RPS6KL1: variants seen among roughly 807,000 people sequenced by gnomAD.
RPS6KL1 encodes the protein ribosomal protein S6 kinase-like 1.
RPS6KL1 carries 41 observed loss-of-function variants against 57.0 expected under a neutral mutation model. The observed-to-expected ratio is 0.72, with a 90% confidence interval of 0.56 to 0.93. The LOEUF (loss-of-function observed/expected upper bound fraction) is 0.93. Among genes scored for constraint, RPS6KL1 ranks in the 40% least tolerant of loss-of-function variants. The probability of loss-of-function intolerance (pLI) is 0.00; values close to 1 mark genes in which losing one functional copy is unlikely to be tolerated. For missense variants in RPS6KL1, 697 were observed against 727.7 expected, an observed-to-expected ratio of 0.96 and a Z score of 0.49; for synonymous variants, 287 against 309.7, an observed-to-expected ratio of 0.93 and a Z score of 0.77.
At chr14:74,919,776 G>T (rs1240927064) in intron 4 of RPS6KL1, 69 bp downstream of exon 4, 3 of 1,557,056 alleles carry the variant, frequency 1.9e-6, no homozygotes, top group Non-Finnish European at 2.6e-6. Flanking sequence ...TGTGGGTGTC[G>T]GGGCCTCCGC....
intron 4 of RPS6KL1, among the ~76,000 whole-genome samples, chr14:74,919,590 T>C (rs991785158): frequency 2.6e-5 from 4 of 152,198 alleles, no homozygotes; most frequent in Non-Finnish European, 5.9e-5. Flanking sequence ...TGGCAAGTGC[T>C]CTGTGAGGGA....
At chr14:74,919,275 A>G (rs1031413936) in intron 4 of RPS6KL1, among the ~76,000 whole-genome samples, 6 of 152,240 alleles carry the variant, frequency 3.9e-5, no homozygotes, top group African/African-American at 1.4e-4. Flanking sequence ...CTTTGGGGAA[A>G]GGCAGCCGTA....
chr14:74,907,091 T>TC lies in RPS6KL1; in HGVS notation c.1572_1573insG (p.Met525AspfsTer32), dbSNP rs746844263. On this transcript the variant is annotated frameshift_variant, in exon 12 of 12. Coordinates refer to ENST00000557413, the MANE Select transcript of RPS6KL1 (RefSeq NM_031464.5). LOFTEE classifies it high-confidence loss of function. Reference sequence around the variant, plus strand: ...AGTTTGCTGACACCACCTTCTCCCATGCCCAGGCGCCGGGTAGGCTCGAAC... The same window carrying TC: ...AGTTTGCTGACACCACCTTCTCCCATCGCCCAGGCGCCGGGTAGGCTCGAAC... The TC allele has an allele frequency of 6.2e-7, 1 of 1,613,676 alleles. No homozygotes were observed. Among genetic ancestry groups the TC allele is most frequent in the Non-Finnish European group, 8.5e-7 (1 of 1,179,846 alleles).
At chr14:74,922,686 C>T (rs1051717186) in intron 1 of RPS6KL1, among the ~76,000 whole-genome samples, 1 of 152,142 alleles carries the variant, frequency 6.6e-6, no homozygotes, top group African/African-American at 2.4e-5. Context: ...GGATGACAGC[C>T]GTGGCTGCGG....
rs555045327 is a variant in RPS6KL1, at chr14:74,906,911, G to A, written c.*103C>T. ...GGACAGACAGTGCCCTCCATTCCTC[G>A]CCCAAAGCCCGCTGATAGAGGGCCA... On this transcript the variant is annotated 3_prime_UTR_variant, in exon 12 of 12. Coordinates refer to ENST00000557413, the MANE Select transcript of RPS6KL1 (RefSeq NM_031464.5). 175 of 915,940 alleles carry A rather than the reference G, an allele frequency of 1.9e-4. No homozygotes were observed. The African/African-American group carries it at 2.3e-3, about 12-fold the overall frequency. 56.7% of individuals were successfully genotyped at this position (915,940 alleles called of 1,614,324 possible). A position where few individuals can be genotyped will look rare whatever the true frequency, so the allele number is the denominator to read the frequency against.
Position 74,910,029 on chromosome 14 carries a change from G to C in RPS6KL1, c.784C>G (p.Pro262Ala). ...QLNPHLNLLTPARLPSGHAPG... is the reference protein window; with the variant it reads ...QLNPHLNLLTAARLPSGHAPG... ...GCATGGCCTGAGGGAAGCCTCGCTG[G>C]GGTCAGGAGGTTGAGGTGGGGGTTG... The change falls in exon 8 of 12, where the codon CCA becomes GCA. Residue 262 changes from proline (P) to alanine (A), a missense_variant. Transcript: ENST00000557413. 1 of 1,613,608 alleles carries C rather than the reference G, an allele frequency of 6.2e-7. No homozygotes were observed. Among genetic ancestry groups the C allele is most frequent in the South Asian group, 1.1e-5 (1 of 91,080 alleles).
In RPS6KL1 at chr14:74,921,277, C is replaced by T. The variant is rs777332209; in HGVS notation, c.265G>A (p.Val89Ile). The T allele has an allele frequency of 2.4e-5, 39 of 1,611,640 alleles. No individual in the cohort carries two copies. The highest frequency in any genetic ancestry group is 1.1e-4 in the South Asian group (10 of 91,064). ...AGCCCTGCCCAGCCCCGGTCCTCAC[C>T]GTGTATGCCACGGAGCAGCACGTCC... ...GVDVLLRGIH[V>I]DPNKERREAV... Residue 89 changes from valine to isoleucine, a missense_variant and splice_region_variant, in exon 3 of 12, where the codon GTT (valine) becomes ATT (isoleucine). Val to Ile is a conservative substitution (Grantham distance 29, BLOSUM62 3). Transcript: ENST00000557413.
At chr14:74,912,530 A>G (rs2140292225) in intron 5 of RPS6KL1, among the ~76,000 whole-genome samples, 1 of 152,330 alleles carries the variant, frequency 6.6e-6, no homozygotes, top group South Asian at 2.1e-4. Flanking sequence ...AAGGGACCTC[A>G]GAGCCAGTCA....
rs1885565449 is a variant in RPS6KL1 at position 74,909,646 on chromosome 14, C to T, written c.1167G>A (p.Val389=). 2 of 1,611,238 alleles carry T rather than the reference C, an allele frequency of 1.2e-6. No individual in the cohort carries two copies. Among genetic ancestry groups the T allele is most frequent in the Non-Finnish European group, 1.7e-6 (2 of 1,179,944 alleles). The change falls in exon 8 of 12, where the codon GTG becomes GTA. Residue 389 remains valine, a synonymous_variant. Coordinates refer to ENST00000557413, the MANE Select transcript of RPS6KL1 (RefSeq NM_031464.5). ...RATWSVREEQ[V]KQWAAEMLVA... Reference sequence around the variant, plus strand: ...CCAGCATCTCTGCCGCCCACTGCTTCACCTGCTCCTCTCTCACACTCCAGG... The same window carrying T: ...CCAGCATCTCTGCCGCCCACTGCTTTACCTGCTCCTCTCTCACACTCCAGG...
Position 74,921,777 on chromosome 14 carries a change from C to CTTTTTTT in RPS6KL1, c.-21+194_-21+200dup, listed in dbSNP as rs57626529. 415 of 836,062 alleles carry CTTTTTTT rather than the reference C, an allele frequency of 5.0e-4. 1 individual carries two copies. The highest frequency in any genetic ancestry group is 1.8e-3 in the Admixed American group (34 of 19,022). 51.8% of individuals were successfully genotyped at this position (836,062 alleles called of 1,614,324 possible). A position where few individuals can be genotyped will look rare whatever the true frequency, so the allele number is the denominator to read the frequency against. ...CCAGCTCAGGATTCTGTTTTCTTTT[C>CTTTTTTT]TTTTTTTTTTTTTTTTTTGAGTCAG... On this transcript the variant is annotated intron_variant, in intron 2 of 11. Transcript: ENST00000557413.
Position 74,919,812 on chromosome 14 carries a change from G to C in RPS6KL1, c.390+33C>G, listed in dbSNP as rs371059455. The C allele has an allele frequency of 6.9e-6, 11 of 1,600,800 alleles. 1 individual carries two copies. In the South Asian group the frequency reaches 1.1e-4, roughly 16 times the overall value. ...AGTCTCCCCTCAGAGCCCTCCTCCC[G>C]CTCAGGCCTTTGGGTGGGGGGGGTC... On this transcript the variant is annotated intron_variant, in intron 4 of 11. Transcript: ENST00000557413.
At position 74,910,051 on chromosome 14, in the gene RPS6KL1, G is replaced by A. The variant is rs183802134; in HGVS notation, c.762C>T (p.Asn254=). ...STQERMKAQL[N]PHLNLLTPAR... ...CTGGGGTCAGGAGGTTGAGGTGGGG[G>A]TTGAGCTGAGCCTTCATCCTCTCCT... The change falls in exon 8 of 12, where the codon AAC becomes AAT. Residue 254 remains asparagine (N), a synonymous_variant. Coordinates refer to ENST00000557413, the MANE Select transcript of RPS6KL1 (RefSeq NM_031464.5). The A allele has an allele frequency of 6.2e-7, 1 of 1,612,422 alleles. No homozygotes were observed. Among genetic ancestry groups the A allele is most frequent in the African/African-American group, 1.3e-5 (1 of 74,942 alleles).
intron 7 of RPS6KL1, chr14:74,910,374 T>A: frequency 1.8e-5 from 6 of 329,756 alleles, no homozygotes; most frequent in Non-Finnish European, 1.6e-5. Flanking sequence ...CCTTACAAAC[T>A]GGCACACCAC....
Position 74,921,501 on chromosome 14 carries a change from AG to A in RPS6KL1, c.40del (p.Leu14TrpfsTer31). The A allele has an allele frequency of 6.2e-7, 1 of 1,614,048 alleles. No homozygotes were observed. The highest frequency in any genetic ancestry group is 8.5e-7 in the Non-Finnish European group (1 of 1,179,972). ...VACECLPSPG[L>X]EPEPCSRARS... Reference sequence around the variant, plus strand: ...TGCTCGTGAGCAAGGCTCAGGCTCCAGGCCGGGGCTGGGCAGGCACTCACAG... The same window carrying A: ...TGCTCGTGAGCAAGGCTCAGGCTCCAGCCGGGGCTGGGCAGGCACTCACAG... On this transcript the variant is annotated frameshift_variant, in exon 3 of 12. Transcript: ENST00000557413. LOFTEE classifies it high-confidence loss of function.
Position 74,921,306 on chromosome 14 carries a change from C to T in RPS6KL1, c.236G>A (p.Gly79Asp). ...YEAAFNHYQN[G>D]VDVLLRGIHV... ...TATGCCACGGAGCAGCACGTCCACG[C>T]CATTCTGATAGTGGTTGAAGGCCGC... The change falls in exon 3 of 12, where the codon GGC (glycine) becomes GAC (aspartate). Residue 79 changes from glycine (G) to aspartate (D), a missense_variant. Physicochemically the swap from Gly to Asp is moderately conservative, Grantham distance 94. Coordinates refer to ENST00000557413, the MANE Select transcript of RPS6KL1 (RefSeq NM_031464.5). 6.2e-7 allele frequency: 1 copy of T among 1,614,184 alleles called. No individual in the cohort carries two copies. The highest frequency in any genetic ancestry group is 2.2e-5 in the East Asian group (1 of 44,886).
Position 74,921,266 on chromosome 14 carries a change from C to G in RPS6KL1, c.265+11G>C. 6.2e-7 allele frequency: 1 copy of G among 1,607,372 alleles called. No homozygotes were observed. Among genetic ancestry groups the G allele is most frequent in the Non-Finnish European group, 8.5e-7 (1 of 1,174,148 alleles). On this transcript the variant is annotated intron_variant, in intron 3 of 11. Coordinates refer to ENST00000557413, the MANE Select transcript of RPS6KL1 (RefSeq NM_031464.5). ...CCACCCACCCCAGCCCTGCCCAGCC[C>G]CGGTCCTCACCGTGTATGCCACGGA...
chr14:74,908,011 G>A (rs1240343585), intron 10 of RPS6KL1, among the ~76,000 whole-genome samples: 3 of 152,188 alleles, frequency 2.0e-5, no homozygotes, highest in Non-Finnish European at 1.5e-5. Flanking sequence ...TGTCTGGAGG[G>A]AAGTATGAGC....
chr14:74,918,604 C>T lies in RPS6KL1; in HGVS notation c.392G>A (p.Gly131Asp), dbSNP rs924113180. The T allele has an allele frequency of 2.0e-6, 3 of 1,533,848 alleles. No individual in the cohort carries two copies. The highest frequency in any genetic ancestry group is 2.6e-6 in the Non-Finnish European group (3 of 1,145,820). The part of the protein sequence containing the change: ...PLSSGASPSA[G>D]FSSLRLRPIR... ...GGGCCGGAGCCTCAGGCTGCTGAAA[C>T]CCTGCAGAGGAGGGAGACAGGCCAC... Residue 131 changes from glycine to aspartate, a missense_variant and splice_region_variant, in exon 5 of 12, where the codon GGT becomes GAT. Gly to Asp is a moderately conservative substitution (Grantham distance 94). Coordinates refer to ENST00000557413, the MANE Select transcript of RPS6KL1 (RefSeq NM_031464.5).
At chr14:74,918,722 C>T in intron 4 of RPS6KL1, 117 bp from the exon 5 acceptor site, 3 of 754,396 alleles carry the variant, frequency 4.0e-6, no homozygotes, top group South Asian at 3.7e-5. Context: ...GCTGGGAGGG[C>T]AGGGGTATAG....
Sources: allele counts gnomAD v4.1 joint callset (sites outside exome capture counted in the v4.1 genomes callset), GRCh38; gene constraint gnomAD v4.1.1; transcripts MANE v1.5; gene names NCBI Gene and HGNC (gene_info 2026-07-23, HGNC 2026-07-21).